Variants in TMEM170A observed in about 807,000 individuals in gnomAD.
TMEM170A encodes transmembrane protein 170.
TMEM170A carries 18 observed loss-of-function variants against 12.8 expected under a neutral mutation model. The observed-to-expected ratio is 1.41, with a 90% CI of 0.97 to 2.09. The LOEUF (loss-of-function observed/expected upper bound fraction) is 2.09. Ranked by LOEUF, TMEM170A falls within the 30% of genes most tolerant of loss-of-function variation. The pLI is 0.00. For synonymous variants in TMEM170A, 107 were observed against 76.2 expected (o/e 1.40, Z -2.11); for missense variants, 220 against 179.9 (o/e 1.22, Z -1.28).
intron 2 of TMEM170A, 26 bp downstream of exon 2, chr16:75,451,643 G>C (rs112225875): frequency 6.2e-7 from 1 of 1,612,428 alleles, no homozygotes; most frequent in South Asian, 1.1e-5. Context: ...AAACATTTTT[G>C]ACTGGTATTT....
At chr16:75,448,986 G>A (rs186135717) in intron 2 of TMEM170A, among the ~76,000 whole-genome samples, 16 of 151,714 alleles carry the variant, frequency 1.1e-4, no homozygotes, top group Non-Finnish European at 2.9e-5. Context: ...ACTTGAGCTA[G>A]GGAGGTCAAG....
chr16:75,464,027 G>C (rs527601083), intron 1 of TMEM170A, among the ~76,000 whole-genome samples: 66 of 152,318 alleles, frequency 4.3e-4, no homozygotes, highest in African/African-American at 1.5e-3. Flanking sequence ...CCCGGGGCAA[G>C]GGGAGCGCGA....
Position 75,450,505 on chromosome 16 carries a change from G to A in TMEM170A, c.304+1164C>T, listed in dbSNP as rs187335219. ...ACTTATTGTTCTCATTTCTGTAACT[G>A]TTTCTTATCCCATAAGCAAAAGCCA... is the stretch of plus-strand genomic sequence containing the variant. On this transcript the variant is annotated intron_variant, in intron 2 of 2. Coordinates refer to ENST00000561878, the MANE Select transcript of TMEM170A (RefSeq NM_145254.3). Among the ~76,000 whole-genome samples, 334 of 152,100 alleles carry A rather than the reference G, an allele frequency of 2.2e-3. 2 individuals carry two copies. Among genetic ancestry groups the A allele is most frequent in the Non-Finnish European group, 3.9e-3 (264 of 67,996 alleles).
intron 1 of TMEM170A, among the ~76,000 whole-genome samples, chr16:75,461,141 C>G (rs573537165): frequency 2.0e-4 from 31 of 152,226 alleles, no homozygotes; most frequent in Admixed American, 1.5e-3. Flanking sequence ...GCAACCTCCC[C>G]CTCCCAGGTT....
intron 2 of TMEM170A, 123 bp from the exon 3 acceptor site, chr16:75,447,811 TC>T: frequency 1.7e-6 from 2 of 1,161,680 alleles, no homozygotes; most frequent in Non-Finnish European, 2.4e-6. Context: ...GAAATTTAAA[TC>T]TTACAGAAAT....
chr16:75,455,725 A>G (rs144255404), intron 1 of TMEM170A, among the ~76,000 whole-genome samples: 1 of 152,294 alleles, frequency 6.6e-6, no homozygotes, highest in East Asian at 1.9e-4. Context: ...GAATCGCTTG[A>G]ACCCAGGAGG....
At chr16:75,461,349 C>T (rs923754313) in intron 1 of TMEM170A, among the ~76,000 whole-genome samples, 4 of 152,264 alleles carry the variant, frequency 2.6e-5, no homozygotes, top group Middle Eastern at 3.4e-3. Context: ...CCACGGCAAC[C>T]GGCCAATTTA....
chr16:75,459,917 A>G (rs2079873509), intron 1 of TMEM170A: 1 of 151,410 alleles, frequency 6.6e-6, no homozygotes. Flanking sequence ...CTATCTTGAT[A>G]CTAATCACCC....
intron 1 of TMEM170A, among the ~76,000 whole-genome samples, chr16:75,463,725 C>G (rs2079946111): frequency 6.6e-6 from 1 of 152,246 alleles, no homozygotes; most frequent in Admixed American, 6.5e-5. Context: ...CTCCTCCTTC[C>G]CAAGTGAAGT....
rs2079573080 is a variant in TMEM170A at position 75,445,694 on chromosome 16, T to G, written c.*1864A>C. 1 of 151,826 alleles carries G rather than the reference T, an allele frequency of 6.6e-6. No individual in the cohort carries two copies. Among genetic ancestry groups the G allele is most frequent in the African/African-American group, 2.4e-5 (1 of 41,386 alleles). 9.4% of individuals were successfully genotyped at this position (151,826 alleles called of 1,614,324 possible). A position where few individuals can be genotyped will look rare whatever the true frequency, so the allele number is the denominator to read the frequency against. Reference sequence around the variant, plus strand: ...CCCTGGCAAATTGGTCCTCCTGACTTTTTTCTTTTTTTTTTTTTTCCAAAT... The same window carrying G: ...CCCTGGCAAATTGGTCCTCCTGACTGTTTTCTTTTTTTTTTTTTTCCAAAT... On this transcript the variant is annotated 3_prime_UTR_variant, in exon 3 of 3. Coordinates refer to ENST00000561878, the MANE Select transcript of TMEM170A (RefSeq NM_145254.3).
intron 1 of TMEM170A, 128 bp downstream of exon 1, chr16:75,464,340 C>A: frequency 7.3e-7 from 1 of 1,374,190 alleles, no homozygotes; most frequent in Non-Finnish European, 9.4e-7. Flanking sequence ...CACGGCCCCC[C>A]TCCCGGAGGA....
At chr16:75,453,975 C>T (rs533219909) in intron 1 of TMEM170A, among the ~76,000 whole-genome samples, 6 of 152,364 alleles carry the variant, frequency 3.9e-5, no homozygotes, top group East Asian at 1.9e-4. Flanking sequence ...CAAGGTAGCT[C>T]TCCAGCTACC....
chr16:75,455,424 GA>G (rs2079775252), intron 1 of TMEM170A, among the ~76,000 whole-genome samples: 2 of 151,086 alleles, frequency 1.3e-5, no homozygotes, highest in African/African-American at 2.4e-5. Flanking sequence ...GCCACATTGT[GA>G]AGTAACAAAA....
chr16:75,446,157 A>C lies in TMEM170A; in HGVS notation c.*1401T>G, dbSNP rs796692128. On this transcript the variant is annotated 3_prime_UTR_variant, in exon 3 of 3. Transcript: ENST00000561878. Reference sequence around the variant, plus strand: ...ACCACTGCACTCCAGCCTGGGCAACACAGTGAGGCTCCGTCTCATTTAAAA... The same window carrying C: ...ACCACTGCACTCCAGCCTGGGCAACCCAGTGAGGCTCCGTCTCATTTAAAA... The C allele has an allele frequency of 2.0e-5, 3 of 149,608 alleles. No individual in the cohort carries two copies. The highest frequency in any genetic ancestry group is 4.4e-5 in the Non-Finnish European group (3 of 67,680). 9.3% of individuals were successfully genotyped at this position (149,608 alleles called of 1,614,324 possible).
intron 1 of TMEM170A, among the ~76,000 whole-genome samples, chr16:75,458,051 T>A (rs1479342996): frequency 1.3e-5 from 2 of 152,258 alleles, no homozygotes. Flanking sequence ...TAATTTGCCA[T>A]CTATTTAATA....
In TMEM170A at chr16:75,447,425, G is replaced by A; in HGVS notation, c.*133C>T. ...TTCAAAATGAAGAAAAGGCTGAGAT[G>A]TGTTGTCCTTCATGTTCCTGTTCAT... On this transcript the variant is annotated 3_prime_UTR_variant, in exon 3 of 3. Transcript: ENST00000561878. 3.1e-6 allele frequency: 3 copies of A among 978,668 alleles called. No individual in the cohort carries two copies. The highest frequency in any genetic ancestry group is 1.7e-5 in the African/African-American group (1 of 59,556). 60.6% of individuals were successfully genotyped at this position (978,668 alleles called of 1,614,324 possible).
chr16:75,462,768 G>A (rs1020684940), intron 1 of TMEM170A, among the ~76,000 whole-genome samples: 2 of 152,034 alleles, frequency 1.3e-5, no homozygotes, highest in African/African-American at 4.8e-5. Context: ...CTTAGATCAT[G>A]GAATATATAT....
Position 75,444,030 on chromosome 16 carries a change from G to C in TMEM170A, c.*3528C>G, listed in dbSNP as rs1166797620. On this transcript the variant is annotated 3_prime_UTR_variant, in exon 3 of 3. Transcript: ENST00000561878. Reference sequence around the variant, plus strand: ...TTGAACCCAGGAAACGGAGGCTGCAGTGAGCTGAGACCATGCCACTGCACT... The same window carrying C: ...TTGAACCCAGGAAACGGAGGCTGCACTGAGCTGAGACCATGCCACTGCACT... 6.6e-6 allele frequency: 1 copy of C among 151,942 alleles called. No homozygotes were observed. The highest frequency in any genetic ancestry group is 2.4e-5 in the African/African-American group (1 of 41,348). 9.4% of individuals were successfully genotyped at this position (151,942 alleles called of 1,614,324 possible).
intron 1 of TMEM170A, among the ~76,000 whole-genome samples, chr16:75,463,965 A>C (rs1043575953): frequency 6.6e-5 from 10 of 152,216 alleles, no homozygotes; most frequent in African/African-American, 2.4e-4. Context: ...ATTTAGCCCC[A>C]GGCGCCCGCG....
Sources: gnomAD v4.1 joint callset for allele counts (sites outside exome capture counted in the v4.1 genomes callset) on GRCh38, gnomAD v4.1.1 for gene constraint, MANE v1.5 for transcripts, NCBI Gene and HGNC (gene_info 2026-07-23, HGNC 2026-07-21) for gene names.